Variants in TOX2 observed in about 807,000 individuals in gnomAD.
TOX2 encodes the protein granulosa cell HMG box 1.
In TOX2, 15 loss-of-function variants were observed where a neutral mutation model predicts 47.4. The ratio of observed to expected loss-of-function variants is 0.32; its 90% CI spans 0.21 to 0.49. TOX2 has a LOEUF of 0.49. TOX2 is among the 20% of genes least tolerant of loss of function. The pLI is 0.99. For missense variants in TOX2, 622 were observed against 673.1 expected, an observed-to-expected ratio of 0.92 and a Z score of 0.84; for synonymous variants, 290 against 296.6, an observed-to-expected ratio of 0.98 and a Z score of 0.23.
chr20:43,951,707 G>GGTTTTTTTTTTTTTTTT (rs745489872), intron 1 of TOX2, among the ~76,000 whole-genome samples: 19 of 55,090 alleles, frequency 3.4e-4, no homozygotes, highest in East Asian at 1.1e-3. Context: ...AACTTATTAT[G>GGTTTTTTTTTTTTTTTT]TTTTTTTTTT....
At chr20:43,936,626 G>A (rs908830831) in intron 1 of TOX2, among the ~76,000 whole-genome samples, 2 of 152,152 alleles carry the variant, frequency 1.3e-5, no homozygotes, top group Non-Finnish European at 2.9e-5. Flanking sequence ...CTCCCCACAT[G>A]ACCTCCTGTC....
intron 6 of TOX2, among the ~76,000 whole-genome samples, chr20:44,065,067 C>G (rs781525503): frequency 2.9e-4 from 44 of 152,336 alleles, no homozygotes; most frequent in Non-Finnish European, 5.0e-4. Flanking sequence ...CCAACAAGAA[C>G]CCAGCACCCA....
At chr20:44,042,515 C>T (rs534915915) in intron 3 of TOX2, among the ~76,000 whole-genome samples, 4 of 152,270 alleles carry the variant, frequency 2.6e-5, no homozygotes, top group East Asian at 3.9e-4. Flanking sequence ...GATAAAAGAT[C>T]GTGATGATTC....
chr20:43,915,064 CG>C lies in TOX2; in HGVS notation c.99+78del. 1 of 871,044 alleles carries C rather than the reference CG, an allele frequency of 1.1e-6. No individual in the cohort carries two copies. Among genetic ancestry groups the C allele is most frequent in the Non-Finnish European group, 1.4e-6 (1 of 689,886 alleles). 54.0% of individuals were successfully genotyped at this position (871,044 alleles called of 1,614,324 possible). On this transcript the variant is annotated intron_variant, in intron 1 of 8. Transcript: ENST00000341197. The surrounding 1 kb of genome is among the most constrained non-coding windows in gnomAD (Gnocchi z 7.1). ...TGGCAGCTCGGGACTCAGGCGCTCC[CG>C]GGGTCACACGGGGCCGCGCACATCA...
At chr20:44,011,724 T>C (rs1428646950) in intron 3 of TOX2, among the ~76,000 whole-genome samples, 2 of 152,316 alleles carry the variant, frequency 1.3e-5, no homozygotes, top group South Asian at 2.1e-4. Context: ...CGAGATACAC[T>C]GAGGATGTCA....
chr20:44,028,537 A>C (rs973576417), intron 3 of TOX2, among the ~76,000 whole-genome samples: 1 of 152,218 alleles, frequency 6.6e-6, no homozygotes, highest in Non-Finnish European at 1.5e-5. Flanking sequence ...TCACACTTTT[A>C]TTAAGCCCCT....
intron 1 of TOX2, among the ~76,000 whole-genome samples, chr20:43,952,962 G>T (rs1286581209): frequency 1.3e-5 from 2 of 152,116 alleles, no homozygotes; most frequent in African/African-American, 2.4e-5. Context: ...GTCTGGGTGG[G>T]CCCTATAGGA....
At chr20:44,006,488 G>A in intron 2 of TOX2, 59 bp from the exon 3 acceptor site, 1 of 1,551,718 alleles carries the variant, frequency 6.4e-7, no homozygotes, top group Non-Finnish European at 8.7e-7. Context: ...GGTGCTGTTG[G>A]GTATGTTCTG....
At chr20:43,932,957 G>A (rs1236926164) in intron 1 of TOX2, among the ~76,000 whole-genome samples, 10 of 152,132 alleles carry the variant, frequency 6.6e-5, no homozygotes, top group African/African-American at 2.4e-4. Context: ...CTGGTGGCAG[G>A]GGCAAAGTCC....
intron 3 of TOX2, among the ~76,000 whole-genome samples, chr20:44,045,025 G>T (rs2071391816): frequency 6.6e-6 from 1 of 152,200 alleles, no homozygotes; most frequent in Non-Finnish European, 1.5e-5. Flanking sequence ...AAAGAATACT[G>T]TGTGATTCCA....
At chr20:43,973,079 T>C (rs1401014721) in intron 1 of TOX2, among the ~76,000 whole-genome samples, 1 of 152,258 alleles carries the variant, frequency 6.6e-6, no homozygotes, top group Non-Finnish European at 1.5e-5. Context: ...GGCAGCCTGT[T>C]GTGTCTATGG....
At chr20:43,983,308 T>C (rs550930118) in intron 2 of TOX2, among the ~76,000 whole-genome samples, 6 of 152,302 alleles carry the variant, frequency 3.9e-5, no homozygotes, top group Admixed American at 3.9e-4. Context: ...ATTCTTGCTC[T>C]TGGTTCCAGC....
intron 1 of TOX2, among the ~76,000 whole-genome samples, chr20:43,928,632 C>T (rs6031243): frequency 0.018 from 2,732 of 152,328 alleles, 95 homozygotes; most frequent in African/African-American, 0.063. Context: ...GGCCATGCTT[C>T]TGTCTGACGC....
intron 1 of TOX2, among the ~76,000 whole-genome samples, chr20:43,917,004 G>C (rs1399708685): frequency 6.6e-6 from 1 of 152,162 alleles, no homozygotes; most frequent in Non-Finnish European, 1.5e-5. Flanking sequence ...GTTTCTTTCT[G>C]TGTGGGATGT....
At position 44,051,515 on chromosome 20, in the gene TOX2, T is replaced by C; in HGVS notation, c.621T>C (p.Thr207=). The stretch of plus-strand genomic sequence containing the variant: ...CGACCCCCTCTCCCTCCAGCTCCAC[T>C]CAGGAAGAGGAGTCGGAAGTGCATT... ...KSATPSPSSS[T]QEEESEVHFK... Residue 207 remains threonine, a synonymous_variant, in exon 4 of 9, where the codon ACT becomes ACC. Coordinates refer to ENST00000341197, the MANE Select transcript of TOX2 (RefSeq NM_001098797.2). 6.2e-7 allele frequency: 1 copy of C among 1,606,596 alleles called. No individual in the cohort carries two copies. Among genetic ancestry groups the C allele is most frequent in the Non-Finnish European group, 8.5e-7 (1 of 1,174,992 alleles).
chr20:43,977,683 C>T (rs775343804), intron 2 of TOX2, among the ~76,000 whole-genome samples: 13 of 152,160 alleles, frequency 8.5e-5, no homozygotes, highest in Non-Finnish European at 1.3e-4. Flanking sequence ...ACTCCCTCTC[C>T]CTCCTTGGAC....
At chr20:44,032,359 A>G (rs2071169796) in intron 3 of TOX2, among the ~76,000 whole-genome samples, 1 of 152,240 alleles carries the variant, frequency 6.6e-6, no homozygotes, top group South Asian at 2.1e-4. Flanking sequence ...TCTACCCACC[A>G]GATGCCAGGA....
intron 1 of TOX2, among the ~76,000 whole-genome samples, chr20:43,923,185 G>T (rs188567457): frequency 6.6e-6 from 1 of 152,244 alleles, no homozygotes; most frequent in African/African-American, 2.4e-5. Context: ...CAGCAGAGAT[G>T]GTTATGAAGA....
chr20:43,925,114 TAA>T (rs1370081608), intron 1 of TOX2, among the ~76,000 whole-genome samples: 1 of 152,240 alleles, frequency 6.6e-6, no homozygotes, highest in African/African-American at 2.4e-5. Context: ...ATTCGATTTT[TAA>T]AAAAGTGGTC....
Sources: allele counts gnomAD v4.1 joint callset (sites outside exome capture counted in the v4.1 genomes callset), GRCh38; gene constraint gnomAD v4.1.1; non-coding constraint Gnocchi (gnomAD v3.1); transcripts MANE v1.5; gene names NCBI Gene and HGNC (gene_info 2026-07-23, HGNC 2026-07-21).